The following RPS6KC1 variants were observed in gnomAD, a reference collection of about 807,000 sequenced individuals.
RPS6KC1 encodes inactive ribosomal protein S6 kinase delta-1.
A neutral mutation model predicts 103.8 loss-of-function variants in RPS6KC1; 54 were observed. The ratio of observed to expected loss-of-function variants is 0.52; its 90% CI spans 0.42 to 0.65. RPS6KC1 has a LOEUF of 0.65. RPS6KC1 is among the 30% of genes least tolerant of loss of function. RPS6KC1 has a pLI of 0.00. For synonymous variants in RPS6KC1, 439 were observed against 438.7 expected (o/e 1.00, Z -0.01); for missense variants, 1,151 against 1,253.8 (o/e 0.92, Z 1.24).
At chr1:213,196,788 C>T (rs1429937082) in intron 8 of RPS6KC1, among the ~76,000 whole-genome samples, 1 of 152,052 alleles carries the variant, frequency 6.6e-6, no homozygotes, top group East Asian at 1.9e-4. Flanking sequence ...GATCAGTTGG[C>T]TGTAAATATT....
intron 7 of RPS6KC1, among the ~76,000 whole-genome samples, chr1:213,169,614 G>C (rs1394422827): frequency 1.3e-5 from 2 of 151,306 alleles, no homozygotes; most frequent in Non-Finnish European, 2.9e-5. Flanking sequence ...CCCATTTTCC[G>C]TGGGATTGAC....
At chr1:213,593,061 A>AAAT in the RPS6KC1 span, among the ~76,000 whole-genome samples, 3 of 51,880 alleles carry the variant, frequency 5.8e-5, no homozygotes, top group South Asian at 2.2e-3. Flanking sequence ...TGAGCATTAC[A>AAAT]AACAGTGTTC....
At chr1:213,681,862 G>C in the RPS6KC1 span, among the ~76,000 whole-genome samples, 270 of 152,206 alleles carry the variant, frequency 1.8e-3, 1 homozygote, top group Non-Finnish European at 3.0e-3. Flanking sequence ...AAGATTTAGA[G>C]TGCCTTTGAT....
At chr1:213,193,782 C>G (rs1372508841) in intron 8 of RPS6KC1, among the ~76,000 whole-genome samples, 2 of 152,018 alleles carry the variant, frequency 1.3e-5, no homozygotes, top group Non-Finnish European at 2.9e-5. Context: ...GTGCGCAATA[C>G]CATGCCTAGC....
chr1:213,795,489 C>T, the RPS6KC1 span, among the ~76,000 whole-genome samples: 6 of 152,106 alleles, frequency 3.9e-5, 1 homozygote, highest in Non-Finnish European at 8.8e-5. Flanking sequence ...GCTTGGGAAA[C>T]GATGCTTTAG....
chr1:213,293,252 C>A, the RPS6KC1 span, among the ~76,000 whole-genome samples: 1 of 152,176 alleles, frequency 6.6e-6, no homozygotes, highest in African/African-American at 2.4e-5. Flanking sequence ...TTTTTGTACT[C>A]ATTAAAATGC....
the RPS6KC1 span, among the ~76,000 whole-genome samples, chr1:213,842,981 G>T: frequency 6.6e-6 from 1 of 152,182 alleles, no homozygotes; most frequent in Non-Finnish European, 1.5e-5. Flanking sequence ...TAAGGAATGG[G>T]TTTACATGAT....
At chr1:213,655,642 T>C in the RPS6KC1 span, among the ~76,000 whole-genome samples, 1 of 152,200 alleles carries the variant, frequency 6.6e-6, no homozygotes, top group Non-Finnish European at 1.5e-5. Context: ...GTTGTATCTA[T>C]AACAGAAACT....
intron 8 of RPS6KC1, among the ~76,000 whole-genome samples, chr1:213,200,100 C>A (rs537402933): frequency 6.6e-6 from 1 of 152,214 alleles, no homozygotes; most frequent in East Asian, 1.9e-4. Context: ...TATTAAACTA[C>A]CATTGAGATT....
the RPS6KC1 span, among the ~76,000 whole-genome samples, chr1:213,833,689 G>A: frequency 6.6e-6 from 1 of 152,082 alleles, no homozygotes; most frequent in Non-Finnish European, 1.5e-5. Context: ...AAGGGAGATA[G>A]GCCTGACCCC....
At chr1:213,281,864 G>A in the RPS6KC1 span, among the ~76,000 whole-genome samples, 1 of 152,182 alleles carries the variant, frequency 6.6e-6, no homozygotes, top group Admixed American at 6.5e-5. Flanking sequence ...CCCGCCCATT[G>A]CAGCATTGGT....
At chr1:213,806,206 C>A in the RPS6KC1 span, among the ~76,000 whole-genome samples, 1 of 152,128 alleles carries the variant, frequency 6.6e-6, no homozygotes, top group South Asian at 2.1e-4. Flanking sequence ...GTGGTGGGCA[C>A]CTGTAGTCCC....
At chr1:213,192,777 A>T (rs1239726801) in intron 8 of RPS6KC1, among the ~76,000 whole-genome samples, 1 of 151,960 alleles carries the variant, frequency 6.6e-6, no homozygotes, top group Non-Finnish European at 1.5e-5. Flanking sequence ...GTTAAGATGC[A>T]TCATTAGGTG....
chr1:213,139,210 T>C (rs1244587141), intron 6 of RPS6KC1, among the ~76,000 whole-genome samples: 1 of 152,086 alleles, frequency 6.6e-6, no homozygotes, highest in Non-Finnish European at 1.5e-5. Flanking sequence ...TGTTTTTTAC[T>C]TGTTGATTTG....
At chr1:213,131,603 C>T (rs561726850) in intron 6 of RPS6KC1, among the ~76,000 whole-genome samples, 4 of 152,126 alleles carry the variant, frequency 2.6e-5, no homozygotes, top group South Asian at 2.1e-4. Context: ...GCCACCATGC[C>T]GAACTAATTT....
the RPS6KC1 span, among the ~76,000 whole-genome samples, chr1:213,579,181 C>T: frequency 6.6e-6 from 1 of 152,070 alleles, no homozygotes; most frequent in Non-Finnish European, 1.5e-5. Context: ...TGCTTTTGCT[C>T]CTCCTTTGCC....
At chr1:213,459,766 C>A in the RPS6KC1 span, among the ~76,000 whole-genome samples, 1 of 152,114 alleles carries the variant, frequency 6.6e-6, no homozygotes, top group African/African-American at 2.4e-5. Flanking sequence ...TAGCTATGTC[C>A]CAGAGATTCT....
chr1:213,500,849 T>A, the RPS6KC1 span, among the ~76,000 whole-genome samples: 1 of 151,790 alleles, frequency 6.6e-6, no homozygotes. Context: ...TAGAAGGGTG[T>A]CTATATGTAA....
Position 213,088,739 on chromosome 1 carries a change from A to G in RPS6KC1, c.262+10923A>G, listed in dbSNP as rs544254217. Among the ~76,000 whole-genome samples, 7 of 152,276 alleles carry G rather than the reference A, an allele frequency of 4.6e-5. No individual in the cohort carries two copies. The East Asian group carries it at 1.2e-3, about 25-fold the overall frequency. On this transcript the variant is annotated intron_variant, in intron 3 of 14. Coordinates refer to ENST00000366960, the MANE Select transcript of RPS6KC1 (RefSeq NM_012424.6). ...GGCTTCTGTCTCTTGATTGAACCCTATATTGATACTCTGATTTAGGAAGAG... is the reference window on the plus strand; with the variant it reads ...GGCTTCTGTCTCTTGATTGAACCCTGTATTGATACTCTGATTTAGGAAGAG...
Sources: allele counts gnomAD v4.1 joint callset (sites outside exome capture counted in the v4.1 genomes callset), GRCh38; gene constraint gnomAD v4.1.1; transcripts MANE v1.5; gene names NCBI Gene and HGNC (gene_info 2026-07-23, HGNC 2026-07-21).